ASAP1: variants seen among roughly 807,000 people sequenced by gnomAD.
The protein encoded by ASAP1 is ArfGAP with SH3 domain, ankyrin repeat and PH domain 1.
Under a neutral mutation model 145.2 loss-of-function variants are expected in ASAP1, and 43 were observed. The observed-to-expected ratio is 0.30, with a 90% CI of 0.23 to 0.38. The LOEUF (loss-of-function observed/expected upper bound fraction) is 0.38. Among genes scored for constraint, ASAP1 ranks in the 10% least tolerant of loss-of-function variants. The pLI is 1.00. For missense variants in ASAP1, 1,018 were observed against 1,355.3 expected (o/e 0.75, Z 3.91); for synonymous variants, 546 against 515.5 (o/e 1.06, Z -0.80).
intron 7 of ASAP1, among the ~76,000 whole-genome samples, chr8:130,183,444 G>A (rs1238955648): frequency 1.3e-5 from 2 of 151,972 alleles, no homozygotes; most frequent in Admixed American, 6.6e-5. Context: ...GGGTTCAAGC[G>A]ATTCTCCTGC....
At chr8:130,197,853 A>G (rs1401384265) in intron 5 of ASAP1, among the ~76,000 whole-genome samples, 2 of 152,202 alleles carry the variant, frequency 1.3e-5, no homozygotes, top group African/African-American at 4.8e-5. Flanking sequence ...TTTGGGTTCC[A>G]TGAAGGTTGC....
chr8:130,169,991 T>C (rs1387510017), intron 9 of ASAP1, among the ~76,000 whole-genome samples: 1 of 152,118 alleles, frequency 6.6e-6, no homozygotes, highest in Admixed American at 6.6e-5. Flanking sequence ...TCAGAAAACG[T>C]GTTTAGAATT....
At chr8:130,142,170 C>T (rs958989573) in intron 13 of ASAP1, among the ~76,000 whole-genome samples, 14 of 152,268 alleles carry the variant, frequency 9.2e-5, no homozygotes, top group South Asian at 2.1e-4. Flanking sequence ...TAAGCTCTCC[C>T]GGTAAGAAAG....
In ASAP1 at chr8:130,267,040, CA is replaced by C. The variant is rs530166828; in HGVS notation, c.187-30047del. On this transcript the variant is annotated intron_variant, in intron 3 of 29. Coordinates refer to ENST00000518721, the MANE Select transcript of ASAP1 (RefSeq NM_018482.4). ...CAGGTACCGCCGCCACCCACCCCCT[CA>C]AAAAAAAAGTAGTCATTAAGAGGAC... 7.9e-3 allele frequency among the ~76,000 whole-genome samples: 1,154 copies of C among 145,566 alleles called. 18 individuals are homozygous for C. Among genetic ancestry groups the C allele is most frequent in the African/African-American group, 0.028 (1,096 of 39,816 alleles).
At chr8:130,409,001 C>T (rs192369301) in intron 1 of ASAP1, among the ~76,000 whole-genome samples, 1 of 152,226 alleles carries the variant, frequency 6.6e-6, no homozygotes, top group Non-Finnish European at 1.5e-5. Context: ...GTGGCTCATG[C>T]TTGTAATCCC....
chr8:130,305,070 T>C (rs1428767107), intron 3 of ASAP1, among the ~76,000 whole-genome samples: 1 of 152,192 alleles, frequency 6.6e-6, no homozygotes, highest in African/African-American at 2.4e-5. Flanking sequence ...AGGACCTTCG[T>C]GCTGTCGGAC....
intron 2 of ASAP1, among the ~76,000 whole-genome samples, chr8:130,380,482 G>A (rs537356345): frequency 2.6e-5 from 4 of 152,278 alleles, no homozygotes; most frequent in South Asian, 2.1e-4. Context: ...ACCAGGGTGC[G>A]CCAAGGGGAC....
At chr8:130,361,938 C>T (rs1826733224) in intron 2 of ASAP1, among the ~76,000 whole-genome samples, 2 of 152,032 alleles carry the variant, frequency 1.3e-5, no homozygotes, top group Non-Finnish European at 2.9e-5. Flanking sequence ...TCTGTTGTCG[C>T]CATTATAATA....
chr8:130,116,464 C>T (rs941320502), intron 22 of ASAP1, among the ~76,000 whole-genome samples: 1 of 152,200 alleles, frequency 6.6e-6, no homozygotes, highest in Non-Finnish European at 1.5e-5. Flanking sequence ...TGTGTAATGC[C>T]TTTCACCTCC....
chr8:130,066,644 CATTT>C (rs1024465802), intron 27 of ASAP1, among the ~76,000 whole-genome samples: 6 of 150,760 alleles, frequency 4.0e-5, no homozygotes, highest in Admixed American at 1.3e-4. Context: ...TTCATTCATT[CATTT>C]GATGGGTGTT....
rs370662930 is a variant in ASAP1 at position 130,167,529 on chromosome 8, C to T, written c.909+7G>A. 2.5e-5 allele frequency: 41 copies of T among 1,611,068 alleles called. No individual in the cohort carries two copies. Among genetic ancestry groups the T allele is most frequent in the Non-Finnish European group, 3.3e-5 (39 of 1,177,464 alleles). On this transcript the variant is annotated splice_region_variant and intron_variant, in intron 11 of 29. Coordinates refer to ENST00000518721, the MANE Select transcript of ASAP1 (RefSeq NM_018482.4). ...TTAGCCCTGTTGTAAACATGTAAAC[C>T]ACTTACTTCTTTCTGATCCAGTTGA...
rs1253500657 is a variant in ASAP1, at chr8:130,180,630, G to GA, written c.660+120dup. On this transcript the variant is annotated intron_variant, in intron 8 of 29. Coordinates refer to ENST00000518721, the MANE Select transcript of ASAP1 (RefSeq NM_018482.4). ...GAAAAATGGAGATTAGAATCCTTAA[G>GA]AAACAGTTTCCTCTCTAATAATCAA... The GA allele has an allele frequency of 9.3e-5, 114 of 1,229,780 alleles. 1 individual carries two copies. In the East Asian group the frequency reaches 2.7e-3, roughly 29 times the overall value. The allele number at this position is 1,229,780 out of a possible 1,614,324, so 76.2% of individuals were successfully genotyped here. A position where few individuals can be genotyped will look rare whatever the true frequency, so the allele number is the denominator to read the frequency against.
intron 1 of ASAP1, among the ~76,000 whole-genome samples, chr8:130,428,361 C>T (rs909571701): frequency 2.8e-5 from 4 of 144,972 alleles, no homozygotes; most frequent in African/African-American, 8.0e-5. Context: ...TACAGTCAGA[C>T]ACATGTGGCC....
intron 13 of ASAP1, among the ~76,000 whole-genome samples, chr8:130,147,195 T>A (rs2097633380): frequency 2.3e-5 from 1 of 43,770 alleles, no homozygotes; most frequent in Non-Finnish European, 3.9e-5. Flanking sequence ...GGAAATGCAG[T>A]CTCAAAAAAA....
chr8:130,250,159 T>C (rs755951555), intron 3 of ASAP1, among the ~76,000 whole-genome samples: 9 of 152,156 alleles, frequency 5.9e-5, no homozygotes, highest in East Asian at 1.9e-4. Context: ...TCGGTGTCCC[T>C]ATTTTGCATC....
intron 3 of ASAP1, among the ~76,000 whole-genome samples, chr8:130,354,946 T>C (rs1826216700): frequency 6.6e-6 from 1 of 152,226 alleles, no homozygotes; most frequent in African/African-American, 2.4e-5. Flanking sequence ...TGTGCAGTGG[T>C]GCGATCTTGG....
At chr8:130,418,870 T>G (rs1486349196) in intron 1 of ASAP1, among the ~76,000 whole-genome samples, 2 of 152,152 alleles carry the variant, frequency 1.3e-5, no homozygotes, top group Non-Finnish European at 2.9e-5. Flanking sequence ...CTTGTGGCTC[T>G]GATGGAGTGA....
chr8:130,250,639 T>G (rs906657569), intron 3 of ASAP1, among the ~76,000 whole-genome samples: 21 of 152,116 alleles, frequency 1.4e-4, no homozygotes, highest in African/African-American at 5.1e-4. Flanking sequence ...TTGTTTTATT[T>G]TTTAATAAGG....
At chr8:130,085,336 C>T (rs1207221957) in intron 25 of ASAP1, among the ~76,000 whole-genome samples, 1 of 152,194 alleles carries the variant, frequency 6.6e-6, no homozygotes, top group Non-Finnish European at 1.5e-5. Flanking sequence ...AATCACACTC[C>T]TGGAATTCAC....
Sources: allele counts gnomAD v4.1 joint callset (sites outside exome capture counted in the v4.1 genomes callset), GRCh38; gene constraint gnomAD v4.1.1; transcripts MANE v1.5; gene names NCBI Gene and HGNC (gene_info 2026-07-23, HGNC 2026-07-21).